Variants in PIP5K1B observed in about 807,000 individuals in gnomAD.
PIP5K1B encodes the protein phosphatidylinositol 4-phosphate 5-kinase type-1 beta.
In PIP5K1B, 42 loss-of-function variants were observed where a neutral mutation model predicts 67.0. The ratio of observed to expected loss-of-function variants is 0.63; its 90% CI spans 0.49 to 0.81. PIP5K1B has a LOEUF of 0.81. Among genes scored for constraint, PIP5K1B ranks in the 30% least tolerant of loss-of-function variants. The pLI, the probability that PIP5K1B is intolerant of heterozygous loss-of-function variation, is 0.00. For missense variants in PIP5K1B, 459 were observed against 646.3 expected (o/e 0.71, Z 3.14); for synonymous variants, 214 against 231.4 (o/e 0.92, Z 0.68).
intron 14 of PIP5K1B, among the ~76,000 whole-genome samples, chr9:68,971,222 C>T (rs577699772): frequency 1.3e-4 from 20 of 152,246 alleles, no homozygotes; most frequent in Non-Finnish European, 2.8e-4. Flanking sequence ...TCAATTCCCA[C>T]TTACGAGTGA....
At chr9:68,733,036 T>C (rs1036948010) in intron 1 of PIP5K1B, among the ~76,000 whole-genome samples, 3 of 152,098 alleles carry the variant, frequency 2.0e-5, no homozygotes, top group Non-Finnish European at 2.9e-5. Context: ...CTCTTCCTCA[T>C]AGCAGAAGGG....
At chr9:68,831,173 GAAT>G in intron 4 of PIP5K1B, among the ~76,000 whole-genome samples, 1 of 152,296 alleles carries the variant, frequency 6.6e-6, no homozygotes, top group East Asian at 1.9e-4. Flanking sequence ...TATGGAGTTA[GAAT>G]CATTGGCTGA....
chr9:68,920,765 G>C (rs879694891), intron 11 of PIP5K1B, among the ~76,000 whole-genome samples: 22 of 145,368 alleles, frequency 1.5e-4, no homozygotes, highest in Non-Finnish European at 2.7e-4. Context: ...TTCCGTCTCT[G>C]TCTCTCTGTC....
intron 2 of PIP5K1B, 140 bp downstream of exon 2, chr9:68,742,797 C>T (rs1829078221): frequency 6.6e-6 from 1 of 152,156 alleles, no homozygotes; most frequent in South Asian, 2.1e-4. Context: ...TGTGGGTGGC[C>T]TCAGGAGCCT....
At chr9:68,778,382 T>G (rs1381469664) in intron 2 of PIP5K1B, among the ~76,000 whole-genome samples, 1 of 152,224 alleles carries the variant, frequency 6.6e-6, no homozygotes. Flanking sequence ...TCAGATCTCT[T>G]AATTTCTACA....
intron 5 of PIP5K1B, among the ~76,000 whole-genome samples, chr9:68,868,044 G>A (rs147822926): frequency 0.01 from 1,534 of 152,232 alleles, 9 homozygotes; most frequent in Non-Finnish European, 0.017. Flanking sequence ...TTTGGAGATG[G>A]AAAAAGCCCT....
intron 2 of PIP5K1B, among the ~76,000 whole-genome samples, chr9:68,792,569 T>C (rs980700123): frequency 6.6e-5 from 10 of 152,128 alleles, no homozygotes; most frequent in African/African-American, 2.2e-4. Flanking sequence ...AAGCTCCGCC[T>C]TCCAGGTTCA....
chr9:68,908,568 A>G (rs1564223552), intron 8 of PIP5K1B, among the ~76,000 whole-genome samples: 1 of 152,200 alleles, frequency 6.6e-6, no homozygotes, highest in Non-Finnish European at 1.5e-5. Context: ...TTGCCAGCCA[A>G]AATTGTATGG....
intron 14 of PIP5K1B, among the ~76,000 whole-genome samples, chr9:68,986,154 G>A (rs1437380243): frequency 1.3e-5 from 2 of 152,178 alleles, no homozygotes; most frequent in African/African-American, 2.4e-5. Context: ...TTTGAGGACA[G>A]ACCAAACAGT....
chr9:68,971,892 T>G (rs888188196), intron 14 of PIP5K1B, among the ~76,000 whole-genome samples: 1 of 152,242 alleles, frequency 6.6e-6, no homozygotes, highest in African/African-American at 2.4e-5. Flanking sequence ...ATTAGCCCTT[T>G]GTTAGATGGA....
chr9:68,978,746 A>G (rs1355540123), intron 14 of PIP5K1B, among the ~76,000 whole-genome samples: 2 of 152,214 alleles, frequency 1.3e-5, no homozygotes, highest in African/African-American at 4.8e-5. Context: ...AAATGCAGAA[A>G]TCTTTGTAGT....
At chr9:68,964,555 G>A (rs1564276430) in intron 14 of PIP5K1B, among the ~76,000 whole-genome samples, 1 of 152,234 alleles carries the variant, frequency 6.6e-6, no homozygotes, top group Non-Finnish European at 1.5e-5. Flanking sequence ...CCAGGAAGCT[G>A]ATGAGCCTGG....
intron 15 of PIP5K1B, among the ~76,000 whole-genome samples, chr9:68,997,866 C>A (rs746447562): frequency 3.6e-4 from 54 of 152,020 alleles, no homozygotes; most frequent in Non-Finnish European, 5.4e-4. Flanking sequence ...TAAGGATTAG[C>A]GTAGGGAATT....
intron 14 of PIP5K1B, among the ~76,000 whole-genome samples, chr9:68,963,628 G>A (rs1407268744): frequency 1.3e-5 from 2 of 152,260 alleles, no homozygotes; most frequent in Non-Finnish European, 2.9e-5. Context: ...CACGTTTGAT[G>A]TCCCTGCCAA....
intron 2 of PIP5K1B, among the ~76,000 whole-genome samples, chr9:68,748,613 CTT>C (rs58954806): frequency 7.9e-4 from 78 of 98,274 alleles, no homozygotes; most frequent in East Asian, 1.7e-3. Flanking sequence ...GATTTCTTTT[CTT>C]TTTTTTTTTT....
intron 2 of PIP5K1B, among the ~76,000 whole-genome samples, chr9:68,765,894 T>C (rs1830404698): frequency 6.6e-6 from 1 of 152,176 alleles, no homozygotes; most frequent in South Asian, 2.1e-4. Context: ...TTGCTATACA[T>C]ATCCTCTGAT....
At chr9:68,830,647 C>G (rs1380412374) in intron 4 of PIP5K1B, among the ~76,000 whole-genome samples, 1 of 152,110 alleles carries the variant, frequency 6.6e-6, no homozygotes, top group Non-Finnish European at 1.5e-5. Context: ...TATAGGAAAT[C>G]GTATTCTACA....
At chr9:68,889,675 C>T (rs2132385033) in intron 7 of PIP5K1B, among the ~76,000 whole-genome samples, 1 of 144,136 alleles carries the variant, frequency 6.9e-6, no homozygotes, top group Non-Finnish European at 1.5e-5. Context: ...GCGGAGCTTG[C>T]AGTGAATCGA....
At chr9:68,893,991 A>G (rs1824951811) in intron 7 of PIP5K1B, among the ~76,000 whole-genome samples, 1 of 152,144 alleles carries the variant, frequency 6.6e-6, no homozygotes, top group South Asian at 2.1e-4. Context: ...TAAAATTTTA[A>G]ATGTTCATCC....
Sources: gnomAD v4.1 joint callset for allele counts (sites outside exome capture counted in the v4.1 genomes callset) on GRCh38, gnomAD v4.1.1 for gene constraint, MANE v1.5 for transcripts, NCBI Gene and HGNC (gene_info 2026-07-23, HGNC 2026-07-21) for gene names.